The following APOO variants were observed in gnomAD, a reference collection of about 807,000 sequenced individuals.
The protein encoded by APOO is MICOS complex subunit MIC26.
In APOO, 11 loss-of-function variants were observed where a neutral mutation model predicts 23.1. The ratio of observed to expected loss-of-function variants is 0.48; its 90% CI spans 0.30 to 0.79. The LOEUF (loss-of-function observed/expected upper bound fraction) is 0.79. APOO is among the 30% of genes least tolerant of loss of function. The pLI is 0.07. For synonymous variants in APOO, 59 were observed against 54.8 expected (o/e 1.08, Z -0.34); for missense variants, 160 against 142.7 (o/e 1.12, Z -0.62).
chrX:23,859,588 C>G (rs2099251423), intron 5 of APOO, among the ~76,000 whole-genome samples: 1 of 110,926 alleles, frequency 9.0e-6, no homozygotes, highest in Admixed American at 9.7e-5. Flanking sequence ...GGGTTACAGG[C>G]ACACGCCACC....
intron 5 of APOO, among the ~76,000 whole-genome samples, chrX:23,862,825 G>A (rs1311555540): frequency 1.2e-5 from 1 of 84,671 alleles, no homozygotes; most frequent in Non-Finnish European, 2.3e-5. Context: ...GAGAAGGGAA[G>A]GAAGAAGGAG....
chrX:23,842,890 C>T (rs1485897820), intron 7 of APOO, among the ~76,000 whole-genome samples: 2 of 111,717 alleles, frequency 1.8e-5, no homozygotes, highest in Admixed American at 1.9e-4. Context: ...TGCCTGTAAT[C>T]CCAGCTGCTC....
intron 5 of APOO, among the ~76,000 whole-genome samples, chrX:23,866,491 G>A (rs974894024): frequency 2.7e-5 from 3 of 111,834 alleles, no homozygotes; most frequent in Non-Finnish European, 3.8e-5. Flanking sequence ...GCCATTAGCT[G>A]GGTGCGGCAG....
At chrX:23,833,793 C>T (rs754583058) in intron 8 of APOO, among the ~76,000 whole-genome samples, 181 bp from the exon 9 acceptor site, 2 of 110,558 alleles carry the variant, frequency 1.8e-5, no homozygotes, top group African/African-American at 6.6e-5. Context: ...ACCAGCCTGC[C>T]CAACATGGTG....
At chrX:23,867,115 AAACG>A (rs1925374327) in intron 5 of APOO, among the ~76,000 whole-genome samples, 1 of 45,377 alleles carries the variant, frequency 2.2e-5, no homozygotes, top group African/African-American at 2.1e-4. Flanking sequence ...AAGCTAAACG[AAACG>A]AAACGAAACG....
At chrX:23,893,199 C>T (rs1044726549) in intron 1 of APOO, among the ~76,000 whole-genome samples, 5 of 106,967 alleles carry the variant, frequency 4.7e-5, no homozygotes, top group African/African-American at 1.0e-4. Context: ...GGGCAGATCA[C>T]GAGGTCAGGA....
chrX:23,889,666 T>G (rs1211904372), intron 1 of APOO, among the ~76,000 whole-genome samples: 5 of 100,456 alleles, frequency 5.0e-5, no homozygotes, highest in Non-Finnish European at 8.1e-5. Flanking sequence ...GTTTTTTTTT[T>G]TTTTTTTTTT....
intron 1 of APOO, among the ~76,000 whole-genome samples, chrX:23,898,144 G>A (rs1244272820): frequency 1.9e-5 from 2 of 107,817 alleles, no homozygotes; most frequent in African/African-American, 6.8e-5. Flanking sequence ...TGTCACTCAG[G>A]CTGGAATGCA....
At chrX:23,862,074 G>C (rs1925076998) in intron 5 of APOO, among the ~76,000 whole-genome samples, 1 of 110,858 alleles carries the variant, frequency 9.0e-6, no homozygotes, top group African/African-American at 3.3e-5. Flanking sequence ...AAAGTGCTGG[G>C]ATTACAGGTG....
intron 8 of APOO, chrX:23,836,638 TTTTC>T (rs1468968780): frequency 5.6e-5 from 42 of 754,224 alleles, no homozygotes; most frequent in East Asian, 1.1e-4. Context: ...TTTTTTTTTT[TTTTC>T]CCCAAATCAA....
intron 1 of APOO, among the ~76,000 whole-genome samples, chrX:23,889,656 G>T (rs1345697013): frequency 3.4e-4 from 21 of 61,872 alleles, no homozygotes; most frequent in Non-Finnish European, 5.8e-4. Context: ...CTGGGGAGTT[G>T]TTTTTTTTTT....
chrX:23,868,756 T>C, intron 4 of APOO, 68 bp from the exon 5 acceptor site: 2 of 843,101 alleles, frequency 2.4e-6, no homozygotes, highest in South Asian at 2.5e-5. Flanking sequence ...AAAAGTCTTA[T>C]ACAGTATATA....
Position 23,879,114 on chromosome X carries a change from T to C in APOO, c.118-80A>G. 5.7e-6 allele frequency: 6 copies of C among 1,055,232 alleles called. No individual in the cohort carries two copies. The Admixed American group carries it at 1.1e-4, about 19-fold the overall frequency. 87.0% of individuals were successfully genotyped at this position (1,055,232 alleles called of 1,213,427 possible). A position where few individuals can be genotyped will look rare whatever the true frequency, so the allele number is the denominator to read the frequency against. On this transcript the variant is annotated intron_variant, in intron 2 of 8. Transcript: ENST00000379226. ...ATTTATCAAATTTGTAAGTATTTAA[T>C]ATAATATTTCTAGTAATTCATGAAT...
chrX:23,868,510 C>A, intron 5 of APOO, 83 bp downstream of exon 5: 1 of 795,019 alleles, frequency 1.3e-6, no homozygotes, highest in Admixed American at 2.9e-5. Flanking sequence ...ATTCTGAAAC[C>A]TGGTAAATGA....
chrX:23,902,382 T>C (rs753515414), intron 1 of APOO, among the ~76,000 whole-genome samples: 2 of 111,539 alleles, frequency 1.8e-5, no homozygotes, highest in East Asian at 2.8e-4. Context: ...CCTTGAATAA[T>C]TCTGATTTGT....
intron 1 of APOO, among the ~76,000 whole-genome samples, chrX:23,896,267 C>CA (rs59861068): frequency 0.12 from 11,772 of 97,890 alleles, 849 homozygotes; most frequent in South Asian, 0.51. Context: ...GACTCCGTCT[C>CA]AAAAAAAAAA....
At chrX:23,906,346 T>A (rs1024318866) in intron 1 of APOO, among the ~76,000 whole-genome samples, 1 of 112,769 alleles carries the variant, frequency 8.9e-6, no homozygotes, top group Non-Finnish European at 1.9e-5. Context: ...TCAATTCCAA[T>A]TGGAGATTGC....
chrX:23,875,411 TTTATTA>T (rs1215455822), intron 3 of APOO, among the ~76,000 whole-genome samples: 2 of 102,812 alleles, frequency 1.9e-5, no homozygotes, highest in African/African-American at 6.9e-5. Flanking sequence ...TATTTTTATT[TTTATTA>T]ATTAATTTTT....
At chrX:23,863,077 T>C (rs905634552) in intron 5 of APOO, among the ~76,000 whole-genome samples, 11 of 112,382 alleles carry the variant, frequency 9.8e-5, no homozygotes, top group Non-Finnish European at 5.6e-5. Flanking sequence ...CTCATGCCTG[T>C]AATCCCAGCA....
Sources: allele counts gnomAD v4.1 joint callset (sites outside exome capture counted in the v4.1 genomes callset), GRCh38; gene constraint gnomAD v4.1.1; transcripts MANE v1.5; gene names NCBI Gene and HGNC (gene_info 2026-07-23, HGNC 2026-07-21).